The following FSTL5 variants were observed in gnomAD, a reference collection of about 807,000 sequenced individuals.
FSTL5 encodes the protein follistatin like 5, also known as follistatin-related protein 5.
In FSTL5, 62 loss-of-function variants were observed where a neutral mutation model predicts 89.1. That is an observed-to-expected ratio of 0.70 (90% CI 0.57 to 0.86). The LOEUF (loss-of-function observed/expected upper bound fraction) is 0.86. FSTL5 is among the 40% of genes least tolerant of loss of function. FSTL5 has a pLI of 0.00. For synonymous variants in FSTL5, 383 were observed against 346.2 expected (o/e 1.11, Z -1.18); for missense variants, 1,057 against 1,001.6 (o/e 1.06, Z -0.75).
intron 6 of FSTL5, among the ~76,000 whole-genome samples, chr4:161,682,422 GACAA>G (rs1737556480): frequency 6.6e-6 from 1 of 152,186 alleles, no homozygotes; most frequent in Non-Finnish European, 1.5e-5. Context: ...CAACTTAAAA[GACAA>G]ACACATTGTA....
At chr4:162,090,814 C>T (rs113115478) in intron 2 of FSTL5, among the ~76,000 whole-genome samples, 21 of 152,018 alleles carry the variant, frequency 1.4e-4, no homozygotes, top group Middle Eastern at 3.4e-3. Context: ...GCCAGAAACA[C>T]ACACACACAC....
At chr4:161,598,531 C>G (rs2126620999) in intron 7 of FSTL5, among the ~76,000 whole-genome samples, 1 of 152,178 alleles carries the variant, frequency 6.6e-6, no homozygotes, top group Non-Finnish European at 1.5e-5. Context: ...TATCATATAT[C>G]AAGACTCATC....
At chr4:161,800,908 C>T (rs1481769068) in intron 4 of FSTL5, among the ~76,000 whole-genome samples, 4 of 151,374 alleles carry the variant, frequency 2.6e-5, no homozygotes, top group Admixed American at 6.6e-5. Flanking sequence ...ATATTTTTGT[C>T]GTATTTTAAG....
chr4:161,673,970 A>G (rs957864211), intron 6 of FSTL5, among the ~76,000 whole-genome samples: 1 of 152,032 alleles, frequency 6.6e-6, no homozygotes, highest in Admixed American at 6.6e-5. Flanking sequence ...ATTTTAAGAC[A>G]TAATCAAACA....
chr4:162,012,030 T>G (rs1264650772), intron 3 of FSTL5, among the ~76,000 whole-genome samples: 1 of 152,228 alleles, frequency 6.6e-6, no homozygotes, highest in Non-Finnish European at 1.5e-5. Flanking sequence ...ATATTCTTAT[T>G]ATACCTAGGC....
intron 10 of FSTL5, among the ~76,000 whole-genome samples, chr4:161,513,274 AG>A: frequency 5.2e-4 from 2 of 3,854 alleles, no homozygotes; most frequent in African/African-American, 1.2e-3. Context: ...AAGGAGGGGG[AG>A]AGAGAGAGAG....
intron 4 of FSTL5, among the ~76,000 whole-genome samples, chr4:161,839,961 G>A (rs765291218): frequency 3.3e-5 from 5 of 152,164 alleles, no homozygotes; most frequent in Non-Finnish European, 5.9e-5. Context: ...AGCAAAGGCT[G>A]GAATATTGAG....
intron 3 of FSTL5, among the ~76,000 whole-genome samples, chr4:162,010,647 T>C (rs2111129396): frequency 6.6e-6 from 1 of 152,336 alleles, no homozygotes; most frequent in East Asian, 1.9e-4. Context: ...TAATGTTATG[T>C]ATTTACAGAC....
intron 1 of FSTL5, among the ~76,000 whole-genome samples, chr4:162,154,819 T>C (rs1490425918): frequency 6.6e-6 from 1 of 152,126 alleles, no homozygotes; most frequent in African/African-American, 2.4e-5. Context: ...CAGGTTTTTT[T>C]TTACACACAG....
intron 4 of FSTL5, among the ~76,000 whole-genome samples, chr4:161,899,018 G>T (rs1336951493): frequency 6.6e-6 from 1 of 151,956 alleles, no homozygotes; most frequent in Non-Finnish European, 1.5e-5. Context: ...GTTTTCTTTC[G>T]GGAAGATGCT....
intron 4 of FSTL5, among the ~76,000 whole-genome samples, chr4:161,897,530 G>A (rs181904345): frequency 4.0e-4 from 57 of 144,126 alleles, no homozygotes; most frequent in Admixed American, 9.3e-4. Context: ...AGCCAAGATC[G>A]TGCCATTGCA....
At chr4:161,747,156 G>C (rs1740229872) in intron 6 of FSTL5, among the ~76,000 whole-genome samples, 1 of 152,100 alleles carries the variant, frequency 6.6e-6, no homozygotes. Context: ...CATGTAATAA[G>C]AACATAACAA....
chr4:161,446,923 C>T (rs1307510409), intron 15 of FSTL5, among the ~76,000 whole-genome samples: 1 of 151,894 alleles, frequency 6.6e-6, no homozygotes, highest in Admixed American at 6.6e-5. Flanking sequence ...TTACCATTAT[C>T]AGCAAACCCA....
intron 2 of FSTL5, among the ~76,000 whole-genome samples, chr4:162,099,341 T>G (rs778118430): frequency 6.6e-6 from 1 of 152,128 alleles, no homozygotes; most frequent in African/African-American, 2.4e-5. Flanking sequence ...AATTTGAAAT[T>G]ATCAGCATTA....
intron 1 of FSTL5, among the ~76,000 whole-genome samples, chr4:162,157,111 A>G: frequency 6.6e-6 from 1 of 152,140 alleles, no homozygotes; most frequent in East Asian, 1.9e-4. Context: ...ATTTTGTCTC[A>G]GTTTGGACAG....
intron 10 of FSTL5, among the ~76,000 whole-genome samples, chr4:161,514,246 C>T (rs1730743470): frequency 6.6e-6 from 1 of 151,954 alleles, no homozygotes; most frequent in Admixed American, 6.6e-5. Context: ...CACACATACA[C>T]ACACACAGAC....
chr4:161,542,741 T>C, intron 8 of FSTL5, 48 bp from the exon 9 acceptor site: 1 of 1,293,774 alleles, frequency 7.7e-7, no homozygotes, highest in South Asian at 2.1e-5. Context: ...TCATATTTTC[T>C]ATTTAATTTT....
At chr4:162,100,105 A>C (rs1730929837) in intron 2 of FSTL5, among the ~76,000 whole-genome samples, 1 of 152,222 alleles carries the variant, frequency 6.6e-6, no homozygotes, top group Non-Finnish European at 1.5e-5. Flanking sequence ...TGTCCACAGA[A>C]AAATCTGCAT....
chr4:161,458,937 T>C (rs1486334975), intron 14 of FSTL5, among the ~76,000 whole-genome samples: 1 of 152,248 alleles, frequency 6.6e-6, no homozygotes, highest in Non-Finnish European at 1.5e-5. Context: ...AAGTAAATTA[T>C]GACTTTCTTT....
Sources: gnomAD v4.1 joint callset for allele counts (sites outside exome capture counted in the v4.1 genomes callset) on GRCh38, gnomAD v4.1.1 for gene constraint, MANE v1.5 for transcripts, NCBI Gene and HGNC (gene_info 2026-07-23, HGNC 2026-07-21) for gene names.